Variants in BRD3 observed in about 807,000 individuals in gnomAD.
BRD3 encodes the protein bromodomain-containing protein 3.
A neutral mutation model predicts 66.8 loss-of-function variants in BRD3; 17 were observed. The ratio of observed to expected loss-of-function variants is 0.25; its 90% confidence interval spans 0.17 to 0.38. BRD3 has a LOEUF of 0.38. Ranked by LOEUF, BRD3 falls within the 10% of genes least tolerant of loss-of-function variation. The pLI is 1.00. For missense variants in BRD3, 713 were observed against 956.1 expected (o/e 0.75, Z 3.35); for synonymous variants, 421 against 393.2 (o/e 1.07, Z -0.84).
Position 134,045,662 on chromosome 9 carries a change from C to G in BRD3, c.1087-241G>C, listed in dbSNP as rs546414631. On this transcript the variant is annotated intron_variant, in intron 6 of 11. Transcript: ENST00000303407. The surrounding 1 kb of genome is among the most constrained non-coding windows in gnomAD (Gnocchi z 4.8). Reference sequence around the variant, plus strand: ...AGGGTCTGGGACTCCAGAGACAGATCTCCTGATTGGAAGAAAAATGCACTC... The same window carrying G: ...AGGGTCTGGGACTCCAGAGACAGATGTCCTGATTGGAAGAAAAATGCACTC... Among the ~76,000 whole-genome samples, 27 of 152,274 alleles carry G rather than the reference C, an allele frequency of 1.8e-4. No individual in the cohort carries two copies. Among genetic ancestry groups the G allele is most frequent in the Admixed American group, 5.9e-4 (9 of 15,298 alleles).
chr9:134,048,009 C>A, intron 6 of BRD3, 74 bp downstream of exon 6: 1 of 1,453,424 alleles, frequency 6.9e-7, no homozygotes. Context: ...CCCACTCAGC[C>A]GGCACAAGAC....
At chr9:134,056,361 C>G (rs886111171) in intron 1 of BRD3, among the ~76,000 whole-genome samples, 1 of 152,246 alleles carries the variant, frequency 6.6e-6, no homozygotes, top group Non-Finnish European at 1.5e-5. Context: ...CCCTGGCACA[C>G]ACGGGCAGGC....
intron 1 of BRD3, among the ~76,000 whole-genome samples, chr9:134,067,590 G>T (rs1310542083): frequency 2.2e-3 from 329 of 147,018 alleles, no homozygotes; most frequent in African/African-American, 7.7e-3. Flanking sequence ...GCGCGCGGAG[G>T]CCGGGCTGGC....
In BRD3 at chr9:134,031,193, C is replaced by G. The variant is rs1163877202; in HGVS notation, c.*2397G>C. 4.5e-6 allele frequency: 1 copy of G among 222,500 alleles called. No individual in the cohort carries two copies. The highest frequency in any genetic ancestry group is 9.0e-6 in the Non-Finnish European group (1 of 111,370). 13.8% of individuals were successfully genotyped at this position (222,500 alleles called of 1,614,324 possible). ...GAAAGGAGCAGAGGCGAGCCGACGC[C>G]ACCGTCACAGAGAACCAGCCGAGAA... On this transcript the variant is annotated 3_prime_UTR_variant, in exon 12 of 12. Transcript: ENST00000303407.
chr9:134,034,596 G>A, intron 11 of BRD3, 105 bp downstream of exon 11: 3 of 1,461,254 alleles, frequency 2.1e-6, no homozygotes, highest in Non-Finnish European at 2.8e-6. Flanking sequence ...GAGCTCATCA[G>A]GAGGTAAGCC....
intron 1 of BRD3, among the ~76,000 whole-genome samples, chr9:134,061,621 A>G (rs1054556832): frequency 2.0e-5 from 3 of 152,116 alleles, no homozygotes; most frequent in Admixed American, 2.0e-4. Context: ...CCCTGACTGG[A>G]TGGCCCCCAC....
chr9:134,060,824 C>T (rs776182309), intron 1 of BRD3, among the ~76,000 whole-genome samples: 2 of 152,222 alleles, frequency 1.3e-5, no homozygotes, highest in Non-Finnish European at 2.9e-5. Flanking sequence ...CAGGCAGGCC[C>T]ACCTCTGGCC....
chr9:134,047,967 T>C lies in BRD3; in HGVS notation c.1086+116A>G, dbSNP rs1352398408. ...GGGGCCAGCCTGGAGGGTGCGCTTC[T>C]CCGGCAAGCGAGACCCTGCTCCCCG... On this transcript the variant is annotated intron_variant, in intron 6 of 11. Coordinates refer to ENST00000303407, the MANE Select transcript of BRD3 (RefSeq NM_007371.4). 16 of 1,372,638 alleles carry C rather than the reference T, an allele frequency of 1.2e-5. No individual in the cohort carries two copies. The African/African-American group carries it at 1.2e-4, about 10-fold the overall frequency. The allele number at this position is 1,372,638 out of a possible 1,614,324, so 85.0% of individuals were successfully genotyped here.
intron 3 of BRD3, among the ~76,000 whole-genome samples, 169 bp from the exon 4 acceptor site, chr9:134,051,878 T>TGTGG (rs372701647): frequency 8.6e-6 from 1 of 116,314 alleles, no homozygotes; most frequent in Non-Finnish European, 1.7e-5. Context: ...TGTGTGTGTG[T>TGTGG]TGTTTTTTTT....
At position 134,040,239 on chromosome 9, in the gene BRD3, G is replaced by A; in HGVS notation, c.1438C>T (p.Leu480=). 1 of 1,595,192 alleles carries A rather than the reference G, an allele frequency of 6.3e-7. No homozygotes were observed. Among genetic ancestry groups the A allele is most frequent in the Non-Finnish European group, 8.5e-7 (1 of 1,171,576 alleles). The change falls in exon 9 of 12, where the codon CTG becomes TTG. Residue 480 remains leucine, a synonymous_variant. Transcript: ENST00000303407. ...LKAVHEQLAA[L]SQAPVNKPKK... ...GGTTTGTTTACTGGGGCCTGAGACAGGGCGGCCAGCTGCTCGTGCACGGCC... is the reference window on the plus strand; with the variant it reads ...GGTTTGTTTACTGGGGCCTGAGACAAGGCGGCCAGCTGCTCGTGCACGGCC...
chr9:134,067,516 G>C (rs10993910), intron 1 of BRD3, among the ~76,000 whole-genome samples: 49,355 of 147,836 alleles, frequency 0.33, 8,494 homozygotes, highest in East Asian at 0.53. Flanking sequence ...GTCCTCCCTG[G>C]GTTCCCCCTT....
At chr9:134,050,647 T>A in intron 4 of BRD3, 59 bp from the exon 5 acceptor site, 1 of 1,419,954 alleles carries the variant, frequency 7.0e-7, no homozygotes, top group South Asian at 1.2e-5. Flanking sequence ...TCCAGAAGCT[T>A]CCAGTGCCAC....
intron 1 of BRD3, among the ~76,000 whole-genome samples, chr9:134,063,923 G>A (rs1039591639): frequency 6.6e-6 from 1 of 152,162 alleles, no homozygotes; most frequent in African/African-American, 2.4e-5. Flanking sequence ...CACAATACCG[G>A]ATTAACTTCT....
chr9:134,042,863 A>C (rs1461576843), intron 7 of BRD3, among the ~76,000 whole-genome samples: 1 of 146,436 alleles, frequency 6.8e-6, no homozygotes, highest in Non-Finnish European at 1.5e-5. Flanking sequence ...CTCTCAAGAC[A>C]GAGTCTTGCT....
At chr9:134,065,441 A>G (rs996342538) in intron 1 of BRD3, among the ~76,000 whole-genome samples, 3 of 151,984 alleles carry the variant, frequency 2.0e-5, no homozygotes, top group African/African-American at 4.8e-5. Flanking sequence ...GAAGAGAAAA[A>G]AAAAAAAAAA....
At chr9:134,042,564 G>C (rs574477208) in intron 7 of BRD3, among the ~76,000 whole-genome samples, 1 of 152,104 alleles carries the variant, frequency 6.6e-6, no homozygotes, top group African/African-American at 2.4e-5. Flanking sequence ...TTGAACCCAG[G>C]AGGTCGAGGC....
rs907543241 is a variant in BRD3, at chr9:134,045,172, G to C, written c.1215+121C>G. The C allele has an allele frequency of 1.9e-5, 26 of 1,367,850 alleles. No individual in the cohort carries two copies. The Middle Eastern group carries it at 1.1e-3, about 56-fold the overall frequency. The allele number at this position is 1,367,850 out of a possible 1,614,324, so 84.7% of individuals were successfully genotyped here. On this transcript the variant is annotated intron_variant, in intron 7 of 11. Coordinates refer to ENST00000303407, the MANE Select transcript of BRD3 (RefSeq NM_007371.4). This position sits in a 1 kb window ranked among gnomAD's most constrained non-coding sequence, Gnocchi z 4.8. ...GGCACTCGGGAAAAAGGTGTTGAGG[G>C]AATGAGGCTCTCTAAGGCCTTCCTC...
Position 134,033,263 on chromosome 9 carries a change from C to G in BRD3, c.*327G>C, listed in dbSNP as rs987245097. 2.4e-5 allele frequency: 10 copies of G among 417,060 alleles called. No individual in the cohort carries two copies. In the Admixed American group the frequency reaches 2.5e-4, roughly 11 times the overall value. The allele number at this position is 417,060 out of a possible 1,614,324, so 25.8% of individuals were successfully genotyped here. ...AGCTATCGACCAGGTTGGGCCTAAGCAAAGGGATTCCACAAGGTTCTTCGG... is the reference window on the plus strand; with the variant it reads ...AGCTATCGACCAGGTTGGGCCTAAGGAAAGGGATTCCACAAGGTTCTTCGG... On this transcript the variant is annotated 3_prime_UTR_variant, in exon 12 of 12. Transcript: ENST00000303407. This position sits in a 1 kb window ranked among gnomAD's most constrained non-coding sequence, Gnocchi z 5.1.
Position 134,036,272 on chromosome 9 carries a change from C to G in BRD3, c.1696G>C (p.Glu566Gln). ...QASASYDSEE[E>Q]EEGLPMSYDE... ...TAGCTCATGGGCAGGCCCTCCTCCT[C>G]TTCCTCTGAGTCGTAGGAGGCAGAT... Residue 566 changes from glutamate to glutamine, a missense_variant, in exon 10 of 12, where the codon GAG (glutamate) becomes CAG (glutamine). Around this residue, in one of 5 missense-constraint regions of BRD3, gnomAD observed 418 missense variants for 609.3 expected, o/e 0.69. Coordinates refer to ENST00000303407, the MANE Select transcript of BRD3 (RefSeq NM_007371.4). 6.2e-7 allele frequency: 1 copy of G among 1,613,774 alleles called. No individual in the cohort carries two copies. Among genetic ancestry groups the G allele is most frequent in the Non-Finnish European group, 8.5e-7 (1 of 1,179,862 alleles).
Sources: allele counts gnomAD v4.1 joint callset (sites outside exome capture counted in the v4.1 genomes callset), GRCh38; gene constraint gnomAD v4.1.1; regional missense constraint gnomAD v4.1.1; non-coding constraint Gnocchi (gnomAD v3.1); transcripts MANE v1.5; gene names NCBI Gene and HGNC (gene_info 2026-07-23, HGNC 2026-07-21).